The following TBC1D31 variants were observed in gnomAD, a reference collection of about 807,000 sequenced individuals.
The protein encoded by TBC1D31 is TBC1 domain family member 31.
Under a neutral mutation model 132.9 loss-of-function variants are expected in TBC1D31, and 99 were observed. The observed-to-expected ratio is 0.74, with a 90% CI of 0.63 to 0.88. The LOEUF (loss-of-function observed/expected upper bound fraction) is 0.88, where lower values mean the gene tolerates loss of function less well. Among genes scored for constraint, TBC1D31 ranks in the 40% least tolerant of loss-of-function variants. TBC1D31 has a pLI of 0.00. For missense variants in TBC1D31, 1,134 were observed against 1,256.6 expected, an observed-to-expected ratio of 0.90 and a Z score of 1.48; for synonymous variants, 385 against 419.4, an observed-to-expected ratio of 0.92 and a Z score of 1.00.
In TBC1D31 at chr8:123,134,116, A is replaced by T. The variant is rs1820867062; in HGVS notation, c.2409A>T (p.Val803=). The part of the protein sequence containing the change: ...RRLDDEIGRK[V]YMRDREIAAT... ...TACAGTTTGTTGTTTGGCCATAGGT[A>T]TATATGAGAGATCGAGAAATTGCTG... Residue 803 remains valine (V), a splice_region_variant and synonymous_variant, in exon 17 of 22, where the codon GTA becomes GTT. Transcript: ENST00000287380. 1 of 1,612,638 alleles carries T rather than the reference A, an allele frequency of 6.2e-7. No individual in the cohort carries two copies. Among genetic ancestry groups the T allele is most frequent in the Non-Finnish European group, 8.5e-7 (1 of 1,178,838 alleles).
At chr8:123,141,823 A>G (rs1821713695) in intron 18 of TBC1D31, among the ~76,000 whole-genome samples, 1 of 119,138 alleles carries the variant, frequency 8.4e-6, no homozygotes, top group African/African-American at 3.1e-5. Flanking sequence ...TTGGCTGTAA[A>G]TTAGAGTCAC....
chr8:123,105,300 T>C lies in TBC1D31; in HGVS notation c.1045T>C (p.Leu349=). The C allele has an allele frequency of 6.4e-7, 1 of 1,561,942 alleles. No individual in the cohort carries two copies. The highest frequency in any genetic ancestry group is 2.4e-5 in the East Asian group (1 of 42,384). The change falls in exon 8 of 22, where the codon TTA becomes CTA. Residue 349 remains leucine (L), a synonymous_variant. Coordinates refer to ENST00000287380, the MANE Select transcript of TBC1D31 (RefSeq NM_145647.4). ...TQEINKPPPP[L]VKVIEDLPKN... is the part of the protein sequence containing the mutation. ...TTTTTCCATTTAGCCACCTCCGCCT[T>C]TAGTGAAAGTTATTGAAGATTTGCC... is the stretch of plus-strand genomic sequence containing the variant.
At chr8:123,081,771 G>C (rs1315206503) in intron 2 of TBC1D31, among the ~76,000 whole-genome samples, 1 of 152,044 alleles carries the variant, frequency 6.6e-6, no homozygotes, top group Non-Finnish European at 1.5e-5. Flanking sequence ...AAGGGAAAGG[G>C]GTTTCCCCGT....
chr8:123,109,382 T>C lies in TBC1D31; in HGVS notation c.1275T>C (p.Tyr425=). 1.2e-6 allele frequency: 2 copies of C among 1,610,802 alleles called. No individual in the cohort carries two copies. The highest frequency in any genetic ancestry group is 1.7e-6 in the Non-Finnish European group (2 of 1,177,852). The stretch of plus-strand genomic sequence containing the variant: ...TCTTATTAAAAGGCTATGGTGAATA[T>C]CCAACAAAATACAGGTACAATTTAA... The part of the protein sequence containing the change: ...LQILLKGYGE[Y]PTKYRMFIWR... The change falls in exon 9 of 22, where the codon TAT becomes TAC. Residue 425 remains tyrosine (Y), a synonymous_variant. Transcript: ENST00000287380.
At chr8:123,143,186 C>T (rs1432293138) in intron 19 of TBC1D31, among the ~76,000 whole-genome samples, 1 of 152,180 alleles carries the variant, frequency 6.6e-6, no homozygotes, top group Non-Finnish European at 1.5e-5. Flanking sequence ...TGTTCTGCCT[C>T]CCATCTGAGT....
downstream of TBC1D31, among the ~76,000 whole-genome samples, chr8:123,157,091 G>T (rs938220685): frequency 8.5e-5 from 13 of 152,240 alleles, no homozygotes; most frequent in Admixed American, 3.3e-4. Flanking sequence ...TGGTCTTGGC[G>T]GGGGTACTTA....
At chr8:123,152,967 C>T (rs1822891935), downstream of TBC1D31, among the ~76,000 whole-genome samples, 1 of 152,124 alleles carries the variant, frequency 6.6e-6, no homozygotes, top group African/African-American at 2.4e-5. Flanking sequence ...TTTCTGGGGC[C>T]ACGAAGCATA....
At chr8:123,157,178 C>G in the TBC1D31 span, among the ~76,000 whole-genome samples, 1 of 152,168 alleles carries the variant, frequency 6.6e-6, no homozygotes. Flanking sequence ...CTTTGACAAG[C>G]AAACAACGCT....
At chr8:123,138,540 G>A (rs1208760649) in intron 17 of TBC1D31, among the ~76,000 whole-genome samples, 1 of 152,130 alleles carries the variant, frequency 6.6e-6, no homozygotes, top group Admixed American at 6.5e-5. Context: ...CATGAAGGCT[G>A]TTTACTATCC....
At chr8:123,159,779 C>T in the TBC1D31 span, among the ~76,000 whole-genome samples, 44 of 115,702 alleles carry the variant, frequency 3.8e-4, no homozygotes, top group Middle Eastern at 4.0e-3. Flanking sequence ...GCAACAAGAG[C>T]GAAACTCCGT....
At chr8:123,123,500 G>T in intron 11 of TBC1D31, 1 of 154,554 alleles carries the variant, frequency 6.5e-6, no homozygotes, top group Non-Finnish European at 1.5e-5. Context: ...GAGACGTGGA[G>T]CAACACCACT....
chr8:123,088,201 A>AT, intron 4 of TBC1D31, among the ~76,000 whole-genome samples: 1 of 152,154 alleles, frequency 6.6e-6, no homozygotes, highest in African/African-American at 2.4e-5. Flanking sequence ...AAAAAAAAAA[A>AT]ATACAATACA....
intron 11 of TBC1D31, among the ~76,000 whole-genome samples, chr8:123,122,235 A>G (rs1819570301): frequency 6.6e-6 from 1 of 152,202 alleles, no homozygotes; most frequent in South Asian, 2.1e-4. Context: ...ACAGATACCC[A>G]CGTGTGAATG....
chr8:123,111,956 C>T (rs770484216), intron 10 of TBC1D31, among the ~76,000 whole-genome samples: 5 of 152,076 alleles, frequency 3.3e-5, no homozygotes, highest in African/African-American at 4.8e-5. Context: ...TGGGCTCAAA[C>T]GATCCTCCCC....
At chr8:123,128,578 T>A in intron 14 of TBC1D31, 65 bp downstream of exon 14, 1 of 1,285,944 alleles carries the variant, frequency 7.8e-7, no homozygotes, top group Non-Finnish European at 1.1e-6. Flanking sequence ...AAGAAAGTTT[T>A]AATGAAAAAT....
intron 19 of TBC1D31, 108 bp downstream of exon 19, chr8:123,142,564 C>A: frequency 2.2e-6 from 2 of 901,866 alleles, no homozygotes; most frequent in East Asian, 3.0e-5. Flanking sequence ...AAACTCGGGG[C>A]CTTAAGCAAT....
intron 11 of TBC1D31, among the ~76,000 whole-genome samples, chr8:123,120,559 C>T (rs1819377071): frequency 6.6e-6 from 1 of 152,210 alleles, no homozygotes; most frequent in Non-Finnish European, 1.5e-5. Context: ...ATAATCCCAG[C>T]TACTCAGGAG....
the TBC1D31 span, among the ~76,000 whole-genome samples, chr8:123,157,294 T>C: frequency 2.0e-5 from 3 of 152,306 alleles, no homozygotes; most frequent in Non-Finnish European, 2.9e-5. Flanking sequence ...CCTACTGCGC[T>C]AACGAGGCAC....
At chr8:123,162,409 GC>G in the TBC1D31 span, among the ~76,000 whole-genome samples, 1 of 152,040 alleles carries the variant, frequency 6.6e-6, no homozygotes, top group Non-Finnish European at 1.5e-5. Flanking sequence ...CTTTTCCCTT[GC>G]GGCAAATGGA....
Sources: gnomAD v4.1 joint callset for allele counts (sites outside exome capture counted in the v4.1 genomes callset) on GRCh38, gnomAD v4.1.1 for gene constraint, MANE v1.5 for transcripts, NCBI Gene and HGNC (gene_info 2026-07-23, HGNC 2026-07-21) for gene names.